Variants in ATP13A4 observed in about 807,000 individuals in gnomAD.
The protein encoded by ATP13A4 is ATPase 13A4.
In ATP13A4, 114 loss-of-function variants were observed where a neutral mutation model predicts 142.5. The ratio of observed to expected loss-of-function variants is 0.80; its 90% confidence interval spans 0.69 to 0.93. The LOEUF is 0.93. ATP13A4 is among the 40% of genes least tolerant of loss of function. The pLI is 0.00. For missense variants in ATP13A4, 1,392 were observed against 1,454.0 expected, an observed-to-expected ratio of 0.96 and a Z score of 0.69; for synonymous variants, 488 against 514.8, an observed-to-expected ratio of 0.95 and a Z score of 0.70.
At chr3:193,461,791 C>T (rs1391598386) in intron 13 of ATP13A4, among the ~76,000 whole-genome samples, 3 of 152,104 alleles carry the variant, frequency 2.0e-5, no homozygotes, top group Non-Finnish European at 2.9e-5. Flanking sequence ...TCTGATTCCA[C>T]GGGAGTTCGT....
At chr3:193,517,613 TG>T (rs1721490139) in intron 1 of ATP13A4, among the ~76,000 whole-genome samples, 2 of 152,182 alleles carry the variant, frequency 1.3e-5, no homozygotes, top group African/African-American at 4.8e-5. Context: ...CCCGAGTAGC[TG>T]GGACTACAGG....
At chr3:193,445,975 A>T (rs1716929886) in intron 18 of ATP13A4, among the ~76,000 whole-genome samples, 1 of 152,046 alleles carries the variant, frequency 6.6e-6, no homozygotes, top group Non-Finnish European at 1.5e-5. Context: ...GTGCAAAAAA[A>T]AAAAAAGTCT....
chr3:193,442,743 G>T (rs1039776841), intron 18 of ATP13A4, among the ~76,000 whole-genome samples, 187 bp from the exon 19 acceptor site: 1 of 152,062 alleles, frequency 6.6e-6, no homozygotes, highest in African/African-American at 2.4e-5. Flanking sequence ...ACTGCTTTTC[G>T]TCAGGTTGCT....
At chr3:193,473,569 C>A (rs1718743123) in intron 8 of ATP13A4, among the ~76,000 whole-genome samples, 1 of 152,004 alleles carries the variant, frequency 6.6e-6, no homozygotes, top group African/African-American at 2.4e-5. Flanking sequence ...CCATTAATTA[C>A]AAAGAGGAAA....
intron 1 of ATP13A4, 127 bp from the exon 2 acceptor site, chr3:193,514,998 G>A (rs1264762410): frequency 1.0e-6 from 1 of 969,740 alleles, no homozygotes; most frequent in Non-Finnish European, 1.6e-6. Flanking sequence ...GAGAGGGCAG[G>A]GTGAGGCATG....
chr3:193,418,092 A>C (rs1368033547), intron 25 of ATP13A4, among the ~76,000 whole-genome samples: 2 of 102,572 alleles, frequency 1.9e-5, no homozygotes, highest in Non-Finnish European at 3.6e-5. Context: ...ACTGCACTCC[A>C]GCCTGGGCGA....
Position 193,399,220 on chromosome 3 carries a change from G to A in ATP13A4, c.*3432C>T, listed in dbSNP as rs2280476. Among the ~76,000 whole-genome samples, 9,466 of 152,210 alleles carry A rather than the reference G, an allele frequency of 0.062. 423 individuals are homozygous for A. Among genetic ancestry groups the A allele is most frequent in the Middle Eastern group, 0.12 (36 of 294 alleles). On this transcript the variant is annotated 3_prime_UTR_variant, in exon 30 of 30. Coordinates refer to ENST00000342695, the MANE Select transcript of ATP13A4 (RefSeq NM_032279.4). ...TGATTTGGACTATGTGACTGTGTTC[G>A]TTTCTCCTTCAGACTCTGCTCAAGA...
rs539725999 is a variant in ATP13A4, at chr3:193,470,290, G to A, written c.943+569C>T. Among the ~76,000 whole-genome samples, 3 of 152,272 alleles carry A rather than the reference G, an allele frequency of 2.0e-5. No individual in the cohort carries two copies. In the East Asian group the frequency reaches 5.8e-4, roughly 29 times the overall value. ...CCTATGATATGAGATAACCTCACAGGTCCCACCCAGCTCCAGCACTGCCAT... is the reference window on the plus strand; with the variant it reads ...CCTATGATATGAGATAACCTCACAGATCCCACCCAGCTCCAGCACTGCCAT... On this transcript the variant is annotated intron_variant, in intron 9 of 29. Transcript: ENST00000342695.
chr3:193,466,226 C>T (rs1400948339), intron 10 of ATP13A4, 44 bp from the exon 11 acceptor site: 1 of 1,610,310 alleles, frequency 6.2e-7, no homozygotes, highest in Non-Finnish European at 8.5e-7. Flanking sequence ...GAGACCAACG[C>T]TACTGCTAGC....
At chr3:193,481,422 A>C (rs1460740901) in intron 8 of ATP13A4, among the ~76,000 whole-genome samples, 4 of 152,188 alleles carry the variant, frequency 2.6e-5, no homozygotes, top group African/African-American at 9.6e-5. Context: ...AAAAACACAT[A>C]CATATTTCCA....
chr3:193,579,388 T>C (rs547943015), intron 2 of ATP13A4: 2 of 218,292 alleles, frequency 9.2e-6, no homozygotes, highest in South Asian at 9.6e-5. Context: ...GGTGACAATG[T>C]TGATATGAGT....
intron 2 of ATP13A4, among the ~76,000 whole-genome samples, chr3:193,503,603 T>A (rs1293704232): frequency 6.6e-6 from 1 of 152,194 alleles, no homozygotes; most frequent in Non-Finnish European, 1.5e-5. Context: ...ATTTTTGCTA[T>A]GAAGAGTGCC....
At chr3:193,543,690 A>G (rs1439310211) in intron 1 of ATP13A4, among the ~76,000 whole-genome samples, 2 of 152,202 alleles carry the variant, frequency 1.3e-5, no homozygotes, top group Non-Finnish European at 2.9e-5. Flanking sequence ...GAAAAAATAG[A>G]GATAATCCAC....
chr3:193,473,813 G>A (rs894879463), intron 8 of ATP13A4, among the ~76,000 whole-genome samples: 3 of 152,154 alleles, frequency 2.0e-5, no homozygotes, highest in African/African-American at 7.2e-5. Context: ...AGTCAGAAGA[G>A]TCAAAGTCAC....
At chr3:193,410,632 T>C (rs1370724114) in intron 28 of ATP13A4, among the ~76,000 whole-genome samples, 1 of 152,138 alleles carries the variant, frequency 6.6e-6, no homozygotes, top group Non-Finnish European at 1.5e-5. Context: ...AGTGGGAGAA[T>C]TGCTTGAGCT....
At chr3:193,405,631 G>A (rs1373498891) in intron 29 of ATP13A4, among the ~76,000 whole-genome samples, 3 of 152,184 alleles carry the variant, frequency 2.0e-5, no homozygotes, top group East Asian at 1.9e-4. Context: ...AGGTGAAAGA[G>A]TGTGGATTCC....
chr3:193,421,107 A>T (rs1454204946), intron 25 of ATP13A4, among the ~76,000 whole-genome samples: 2 of 150,032 alleles, frequency 1.3e-5, no homozygotes, highest in South Asian at 4.2e-4. Flanking sequence ...GATTCTCATC[A>T]TGGCACATTA....
chr3:193,510,117 G>A (rs1209305267), intron 2 of ATP13A4, among the ~76,000 whole-genome samples: 3 of 152,108 alleles, frequency 2.0e-5, no homozygotes, highest in Non-Finnish European at 2.9e-5. Context: ...TGGGCTGTGA[G>A]AGACCAAGTT....
chr3:193,442,389 G>T lies in ATP13A4; in HGVS notation c.2316+4C>A. ...TGTGGCAGAAGGTCTGTGTTCAGGA[G>T]TACCTGATTCCCATACATAATGTGT... On this transcript the variant is annotated splice_donor_region_variant and intron_variant, in intron 19 of 29. Transcript: ENST00000342695. 2 of 1,613,308 alleles carry T rather than the reference G, an allele frequency of 1.2e-6. No homozygotes were observed. The highest frequency in any genetic ancestry group is 1.7e-6 in the Non-Finnish European group (2 of 1,179,280).
Sources: gnomAD v4.1 joint callset for allele counts (sites outside exome capture counted in the v4.1 genomes callset) on GRCh38, gnomAD v4.1.1 for gene constraint, MANE v1.5 for transcripts, NCBI Gene and HGNC (gene_info 2026-07-23, HGNC 2026-07-21) for gene names.